Variants in SOX6 observed in about 807,000 individuals in gnomAD.
SOX6 encodes SRY-box transcription factor 6.
Under a neutral mutation model 97.8 loss-of-function variants are expected in SOX6, and 11 were observed. That is an observed-to-expected ratio of 0.11 (90% CI 0.07 to 0.19). SOX6 has a LOEUF of 0.19. Among genes scored for constraint, SOX6 ranks in the 10% least tolerant of loss-of-function variants. The probability of loss-of-function intolerance (pLI) is 1.00; values close to 1 mark genes in which losing one functional copy is unlikely to be tolerated. For missense variants in SOX6, 810 were observed against 1,039.5 expected (o/e 0.78, Z 3.04); for synonymous variants, 360 against 371.4 (o/e 0.97, Z 0.35).
intron 1 of SOX6, among the ~76,000 whole-genome samples, chr11:16,469,838 T>A (rs1336479759): frequency 6.6e-6 from 1 of 152,020 alleles, no homozygotes. Context: ...CAAAATTCCA[T>A]CAATACAGCT....
intron 15 of SOX6, 119 bp from the exon 16 acceptor site, chr11:15,973,231 A>G: frequency 2.0e-6 from 2 of 978,146 alleles, no homozygotes; most frequent in South Asian, 3.0e-5. Flanking sequence ...ATGTTAAATA[A>G]CATTCTAAGC....
intron 15 of SOX6, among the ~76,000 whole-genome samples, chr11:15,977,218 T>C (rs12420343): frequency 0.43 from 65,947 of 151,682 alleles, 14,555 homozygotes; most frequent in African/African-American, 0.47. Flanking sequence ...TTGCTATCTC[T>C]GTAGATGTTC....
upstream of SOX6, among the ~76,000 whole-genome samples, chr11:16,480,339 T>G (rs1860322684): frequency 6.6e-6 from 1 of 152,068 alleles, no homozygotes; most frequent in African/African-American, 2.4e-5. Flanking sequence ...TCAAAAGAAA[T>G]GACCCAGATC....
At chr11:16,549,137 A>T (rs1847651289) in intron 4 of SOX6, among the ~76,000 whole-genome samples, 1 of 152,158 alleles carries the variant, frequency 6.6e-6, no homozygotes, top group African/African-American at 2.4e-5. Flanking sequence ...ACTTAATGAG[A>T]TACAGTACTA....
intron 3 of SOX6, among the ~76,000 whole-genome samples, chr11:16,653,042 A>G (rs967961147): frequency 2.0e-5 from 3 of 152,240 alleles, no homozygotes; most frequent in African/African-American, 2.4e-5. Context: ...TATCAGGGAA[A>G]TACAAATTAA....
intron 4 of SOX6, among the ~76,000 whole-genome samples, chr11:16,188,793 G>A (rs1851551261): frequency 6.6e-6 from 1 of 152,102 alleles, no homozygotes; most frequent in African/African-American, 2.4e-5. Context: ...GCTGGGCACG[G>A]TGGCTCATGT....
chr11:16,107,204 A>G (rs911735398), intron 7 of SOX6, among the ~76,000 whole-genome samples: 4 of 151,970 alleles, frequency 2.6e-5, no homozygotes, highest in Non-Finnish European at 5.9e-5. Context: ...GTTTAAACAT[A>G]GAACTTCATA....
At chr11:16,342,909 A>G (rs1856676322) in intron 1 of SOX6, among the ~76,000 whole-genome samples, 1 of 151,908 alleles carries the variant, frequency 6.6e-6, no homozygotes, top group Non-Finnish European at 1.5e-5. Flanking sequence ...TGTATCTATT[A>G]AATTTGATAC....
chr11:16,325,700 A>T (rs1856065392), intron 2 of SOX6, among the ~76,000 whole-genome samples: 1 of 152,132 alleles, frequency 6.6e-6, no homozygotes, highest in Non-Finnish European at 1.5e-5. Context: ...TAAAAAATTA[A>T]TCTTCACATA....
chr11:15,989,241 A>G lies in SOX6; in HGVS notation c.1733-11T>C. On this transcript the variant is annotated splice_polypyrimidine_tract_variant and intron_variant, in intron 13 of 15. Transcript: ENST00000683767. ...TCATTGCTTTACTTCCTGTAATGTC[A>G]GGGCAGGAAGAACAAGATGAGTGGA... is the stretch of plus-strand genomic sequence containing the variant. The G allele has an allele frequency of 1.9e-6, 3 of 1,583,258 alleles. No homozygotes were observed. The highest frequency in any genetic ancestry group is 2.6e-6 in the Non-Finnish European group (3 of 1,159,618).
intron 4 of SOX6, among the ~76,000 whole-genome samples, chr11:16,594,684 C>CTTTTTTTTTTTTTTTTTTTT (rs10653599): frequency 2.9e-5 from 2 of 68,266 alleles, no homozygotes; most frequent in African/African-American, 6.2e-5. Context: ...TCGGTTTTTG[C>CTTTTTTTTTTTTTTTTTTTT]TTTTTTTTTT....
intron 1 of SOX6, among the ~76,000 whole-genome samples, chr11:16,388,910 C>T (rs2134422013): frequency 6.6e-6 from 1 of 152,258 alleles, no homozygotes; most frequent in East Asian, 1.9e-4. Flanking sequence ...ATATCTTTTG[C>T]CAAATTTGGG....
At chr11:16,381,310 T>C (rs1266478728) in intron 1 of SOX6, among the ~76,000 whole-genome samples, 1 of 152,038 alleles carries the variant, frequency 6.6e-6, no homozygotes, top group African/African-American at 2.4e-5. Flanking sequence ...GGACCAAATT[T>C]CTACATTTTG....
chr11:16,211,242 T>C (rs914050876), intron 4 of SOX6, among the ~76,000 whole-genome samples: 2 of 152,152 alleles, frequency 1.3e-5, no homozygotes, highest in African/African-American at 4.8e-5. Flanking sequence ...AATATGAGGA[T>C]ACATTAGAGG....
chr11:16,428,284 C>A (rs561199239), intron 1 of SOX6, among the ~76,000 whole-genome samples: 12,744 of 152,092 alleles, frequency 0.084, 594 homozygotes, highest in Non-Finnish European at 0.11. Context: ...GTTGCCTGTT[C>A]ACTCTGATGG....
Position 16,111,659 on chromosome 11 carries a change from C to T in SOX6, c.898+144G>A. On this transcript the variant is annotated intron_variant, in intron 7 of 15. Transcript: ENST00000683767. ...AGTTTATTACAATGCCCACTCTTCC[C>T]AATTCTAATTTTACTTTAAAATAAG... 5.3e-6 allele frequency: 6 copies of T among 1,124,802 alleles called. No homozygotes were observed. In the South Asian group the frequency reaches 5.4e-5, roughly 10 times the overall value. The allele number at this position is 1,124,802 out of a possible 1,614,324, so 69.7% of individuals were successfully genotyped here. A position where few individuals can be genotyped will look rare whatever the true frequency, so the allele number is the denominator to read the frequency against.
intron 4 of SOX6, among the ~76,000 whole-genome samples, chr11:16,206,664 G>C (rs981845056): frequency 6.6e-6 from 1 of 152,072 alleles, no homozygotes; most frequent in Non-Finnish European, 1.5e-5. Context: ...CACATAGTGA[G>C]CACTCAATAA....
At chr11:16,025,819 C>G (rs1470367736) in intron 12 of SOX6, among the ~76,000 whole-genome samples, 1 of 151,950 alleles carries the variant, frequency 6.6e-6, no homozygotes, top group Non-Finnish European at 1.5e-5. Flanking sequence ...TATATATAAG[C>G]ATATTGTATC....
At chr11:16,111,252 T>C (rs1590203186) in intron 7 of SOX6, among the ~76,000 whole-genome samples, 1 of 152,200 alleles carries the variant, frequency 6.6e-6, no homozygotes, top group African/African-American at 2.4e-5. Context: ...AAAACATATT[T>C]CACTGCAAGG....
Sources: gnomAD v4.1 joint callset for allele counts (sites outside exome capture counted in the v4.1 genomes callset) on GRCh38, gnomAD v4.1.1 for gene constraint, MANE v1.5 for transcripts, NCBI Gene and HGNC (gene_info 2026-07-23, HGNC 2026-07-21) for gene names.